ITGA3: variants seen among roughly 807,000 people sequenced by gnomAD.
ITGA3 encodes integrin alpha-3.
Under a neutral mutation model 131.1 loss-of-function variants are expected in ITGA3, and 70 were observed. That is an observed-to-expected ratio of 0.53 (90% CI 0.44 to 0.65). ITGA3 has a LOEUF of 0.65. ITGA3 is among the 30% of genes least tolerant of loss of function. The pLI, the probability that ITGA3 is intolerant of heterozygous loss-of-function variation, is 0.00. For missense variants in ITGA3, 1,098 were observed against 1,388.6 expected (o/e 0.79, Z 3.33); for synonymous variants, 537 against 571.6 (o/e 0.94, Z 0.86).
intron 5 of ITGA3, among the ~76,000 whole-genome samples, 172 bp downstream of exon 5, chr17:50,071,102 G>A (rs577615099): frequency 6.6e-6 from 1 of 152,356 alleles, no homozygotes; most frequent in South Asian, 2.1e-4. Flanking sequence ...AAGATGCAAA[G>A]TTCTTGACTT....
Position 50,077,089 on chromosome 17 carries a change from C to T in ITGA3, c.2038C>T (p.Pro680Ser), listed in dbSNP as rs1263593458. The T allele has an allele frequency of 6.3e-7, 1 of 1,577,800 alleles. No homozygotes were observed. Residue 680 changes from proline (P) to serine (S), a missense_variant, in exon 15 of 26, where the codon CCT (proline) becomes TCT (serine). Pro to Ser is a moderately conservative substitution (Grantham distance 74). Coordinates refer to ENST00000320031, the MANE Select transcript of ITGA3 (RefSeq NM_002204.4). ...AHEALLTLVVPPALLLSSVRP... is the reference protein window; with the variant it reads ...AHEALLTLVVSPALLLSSVRP... The stretch of plus-strand genomic sequence containing the variant: ...CGAGGCGCTGCTCACCCTGGTGGTG[C>T]CTCCCGCCCTGCTGCTGTCCTCAGT...
chr17:50,067,037 G>A (rs1253307228), intron 3 of ITGA3, among the ~76,000 whole-genome samples: 1 of 152,152 alleles, frequency 6.6e-6, no homozygotes, highest in African/African-American at 2.4e-5. Context: ...TGTTATGGAT[G>A]GCTGTGGTCT....
At chr17:50,074,590 C>A in intron 10 of ITGA3, 56 bp downstream of exon 10, 1 of 1,253,222 alleles carries the variant, frequency 8.0e-7, no homozygotes, top group South Asian at 1.2e-5. Context: ...CTAGGAGGGG[C>A]TGCAGCTCCC....
At chr17:50,086,908 C>T (rs1375680756) in intron 23 of ITGA3, 2 of 151,016 alleles carry the variant, frequency 1.3e-5, no homozygotes, top group African/African-American at 4.9e-5. Flanking sequence ...CAAAATTAGC[C>T]AGGCGTGATG....
intron 23 of ITGA3, 164 bp from the exon 24 acceptor site, chr17:50,087,580 T>A (rs1053721108): frequency 2.7e-5 from 19 of 699,130 alleles, no homozygotes; most frequent in Non-Finnish European, 4.3e-5. Context: ...GAAGGACCAC[T>A]GGACCTGCTG....
rs778254852 is a variant in ITGA3, at chr17:50,074,011, A to C, written c.1245+7A>C. The C allele has an allele frequency of 1.6e-5, 25 of 1,604,698 alleles. No individual in the cohort carries two copies. Among genetic ancestry groups the C allele is most frequent in the Non-Finnish European group, 2.0e-5 (23 of 1,171,652 alleles). ...CCTTAGACAGCCCCAGCAGGTACAG[A>C]GAGACGGGGATGGGTCTGCTGCCCC... On this transcript the variant is annotated splice_region_variant and intron_variant, in intron 8 of 25. Transcript: ENST00000320031.
rs371930319 is a variant in ITGA3 at position 50,075,486 on chromosome 17, C to T, written c.1497C>T (p.Tyr499=). 119 of 1,614,114 alleles carry T rather than the reference C, an allele frequency of 7.4e-5. No homozygotes were observed. The highest frequency in any genetic ancestry group is 9.9e-5 in the Non-Finnish European group (117 of 1,180,060). The change falls in exon 11 of 26, where the codon TAC becomes TAT. Residue 499 remains tyrosine (Y), a synonymous_variant. Coordinates refer to ENST00000320031, the MANE Select transcript of ITGA3 (RefSeq NM_002204.4). ...SCVQVELCFA[Y]NQSAGNPNYR... is the part of the protein sequence containing the mutation. ...TGCAAGTGGAGCTGTGCTTTGCTTA[C>T]AACCAGAGTGCCGGGAACCCCAACT...
intron 4 of ITGA3, among the ~76,000 whole-genome samples, chr17:50,069,835 T>C (rs2144276942): frequency 6.6e-6 from 1 of 152,340 alleles, no homozygotes; most frequent in South Asian, 2.1e-4. Context: ...AGGGGGTGTC[T>C]GACAGCTTAT....
intron 22 of ITGA3, 185 bp from the exon 23 acceptor site, chr17:50,081,125 G>A: frequency 1.7e-6 from 1 of 572,356 alleles, no homozygotes; most frequent in South Asian, 2.2e-5. Flanking sequence ...ACGCAGAAAT[G>A]AATGAACAAA....
intron 16 of ITGA3, 53 bp downstream of exon 16, chr17:50,077,500 G>T: frequency 7.3e-7 from 1 of 1,367,744 alleles, no homozygotes; most frequent in Non-Finnish European, 1.0e-6. Flanking sequence ...CTGCACCTCT[G>T]ATGAGCTCCT....
chr17:50,081,142 A>G (rs1412821072), intron 22 of ITGA3, 168 bp from the exon 23 acceptor site: 1 of 583,216 alleles, frequency 1.7e-6, no homozygotes, highest in African/African-American at 1.9e-5. Context: ...CAAATAAATG[A>G]ATGATGCGCA....
intron 3 of ITGA3, 109 bp from the exon 4 acceptor site, chr17:50,067,947 A>G: frequency 7.2e-7 from 1 of 1,389,758 alleles, no homozygotes; most frequent in Non-Finnish European, 9.9e-7. Context: ...AAGCCAGGAG[A>G]TCTCCTTTGA....
chr17:50,088,045 G>A (rs1909542851), intron 24 of ITGA3, among the ~76,000 whole-genome samples, 176 bp downstream of exon 24: 1 of 152,036 alleles, frequency 6.6e-6, no homozygotes, highest in African/African-American at 2.4e-5. Flanking sequence ...TGGGTTAGTG[G>A]GGGGAGCTGC....
intron 24 of ITGA3, 46 bp downstream of exon 24, chr17:50,087,915 C>T (rs756525882): frequency 1.0e-5 from 15 of 1,505,768 alleles, no homozygotes; most frequent in Non-Finnish European, 1.3e-5. Context: ...CACCAGCACA[C>T]TCACCAGCCC....
At chr17:50,059,248 G>A (rs1408552559) in intron 1 of ITGA3, among the ~76,000 whole-genome samples, 1 of 152,212 alleles carries the variant, frequency 6.6e-6, no homozygotes, top group Non-Finnish European at 1.5e-5. Flanking sequence ...GACAGGGACT[G>A]TTCTCTGGGA....
At chr17:50,070,794 A>G (rs1283797453) in intron 4 of ITGA3, 50 bp from the exon 5 acceptor site, 1 of 1,270,588 alleles carries the variant, frequency 7.9e-7, no homozygotes. Context: ...GAAACCAGAA[A>G]CCGGTGGTGA....
Position 50,087,736 on chromosome 17 carries a change from C to CGCTCCA in ITGA3, c.2920-6_2920-1dup. ...ACACAGGGCTGAGTCCTCCTCTCCC[C>CGCTCCA]GCTCCAGTTCTCTGTGGACATTGAC... On this transcript the variant is annotated splice_region_variant and splice_polypyrimidine_tract_variant and intron_variant, in intron 23 of 25. Coordinates refer to ENST00000320031, the MANE Select transcript of ITGA3 (RefSeq NM_002204.4). The CGCTCCA allele has an allele frequency of 1.2e-6, 2 of 1,610,972 alleles. No individual in the cohort carries two copies. Among genetic ancestry groups the CGCTCCA allele is most frequent in the Non-Finnish European group, 1.7e-6 (2 of 1,178,444 alleles).
intron 1 of ITGA3, among the ~76,000 whole-genome samples, chr17:50,058,171 T>G (rs534085008): frequency 2.6e-5 from 4 of 152,350 alleles, no homozygotes; most frequent in Admixed American, 2.6e-4. Context: ...GAGCAAGATA[T>G]TTCCCCTCCC....
intron 24 of ITGA3, 107 bp downstream of exon 24, chr17:50,087,976 C>T (rs146828784): frequency 1.4e-6 from 2 of 1,408,852 alleles, no homozygotes; most frequent in Admixed American, 2.2e-5. Context: ...ATCTCACCCC[C>T]ACCCTTCCTC....
Sources: allele counts gnomAD v4.1 joint callset (sites outside exome capture counted in the v4.1 genomes callset), GRCh38; gene constraint gnomAD v4.1.1; transcripts MANE v1.5; gene names NCBI Gene and HGNC (gene_info 2026-07-23, HGNC 2026-07-21).